STON2: variants seen among roughly 807,000 people sequenced by gnomAD.
STON2 encodes stonin 2.
In STON2, 29 loss-of-function variants were observed where a neutral mutation model predicts 65.7. That is an observed-to-expected ratio of 0.44 (90% CI 0.33 to 0.60). The LOEUF is 0.60. Ranked by LOEUF, STON2 falls within the 20% of genes least tolerant of loss-of-function variation. The probability of loss-of-function intolerance (pLI) is 0.03; values close to 1 mark genes in which losing one functional copy is unlikely to be tolerated. For synonymous variants in STON2, 404 were observed against 414.2 expected (o/e 0.98, Z 0.30); for missense variants, 1,054 against 1,118.1 (o/e 0.94, Z 0.82).
At chr14:81,429,382 G>A (rs1902132399) in intron 1 of STON2, among the ~76,000 whole-genome samples, 1 of 152,216 alleles carries the variant, frequency 6.6e-6, no homozygotes, top group Non-Finnish European at 1.5e-5. Flanking sequence ...CCAACTGCCT[G>A]CAAGTTTGAC....
At chr14:81,363,305 C>A (rs1488504491) in intron 4 of STON2, among the ~76,000 whole-genome samples, 3 of 152,132 alleles carry the variant, frequency 2.0e-5, no homozygotes, top group Admixed American at 2.0e-4. Context: ...CACATAGAAA[C>A]AATTTTAAAA....
intron 4 of STON2, among the ~76,000 whole-genome samples, chr14:81,329,391 C>T (rs958742175): frequency 6.7e-6 from 1 of 149,606 alleles, no homozygotes; most frequent in African/African-American, 2.5e-5. Flanking sequence ...GGAGGTGAAG[C>T]TTGCAGTGAG....
At chr14:81,429,427 G>A (rs528640897) in intron 1 of STON2, among the ~76,000 whole-genome samples, 1 of 152,326 alleles carries the variant, frequency 6.6e-6, no homozygotes, top group South Asian at 2.1e-4. Flanking sequence ...TATTTATATA[G>A]ACGTTTGACA....
At chr14:81,293,210 C>T (rs1387509872) in intron 5 of STON2, among the ~76,000 whole-genome samples, 3 of 150,416 alleles carry the variant, frequency 2.0e-5, no homozygotes, top group Admixed American at 1.3e-4. Context: ...AGTCTCGCTC[C>T]GTCATCAGGC....
chr14:81,357,944 C>T (rs1168234227), intron 4 of STON2, among the ~76,000 whole-genome samples: 3 of 149,076 alleles, frequency 2.0e-5, no homozygotes, highest in African/African-American at 4.9e-5. Flanking sequence ...TGCTAGATGA[C>T]GAGTTAGTGG....
intron 4 of STON2, among the ~76,000 whole-genome samples, chr14:81,334,653 C>T (rs1235836955): frequency 6.6e-6 from 1 of 152,148 alleles, no homozygotes; most frequent in African/African-American, 2.4e-5. Flanking sequence ...GGGTATGAAG[C>T]ACATTGGCTG....
intron 5 of STON2, among the ~76,000 whole-genome samples, chr14:81,311,603 C>A (rs1212494064): frequency 6.6e-6 from 1 of 152,152 alleles, no homozygotes; most frequent in Non-Finnish European, 1.5e-5. Context: ...AAATGAGGCA[C>A]AAGGGTTAAA....
chr14:81,330,816 C>T (rs1897184283), intron 4 of STON2, among the ~76,000 whole-genome samples: 1 of 152,202 alleles, frequency 6.6e-6, no homozygotes, highest in Admixed American at 6.5e-5. Flanking sequence ...GTCCTGCATG[C>T]CCAAGGATTA....
chr14:81,333,292 C>T (rs896571937), intron 4 of STON2: 34 of 676,712 alleles, frequency 5.0e-5, no homozygotes, highest in African/African-American at 5.0e-4. Context: ...ACGTCAATGA[C>T]CATTTGTTTC....
At chr14:81,318,189 C>A (rs1896697166) in intron 5 of STON2, among the ~76,000 whole-genome samples, 1 of 152,106 alleles carries the variant, frequency 6.6e-6, no homozygotes, top group African/African-American at 2.4e-5. Flanking sequence ...ATCTCGAACT[C>A]CTGACCTCAA....
intron 5 of STON2, among the ~76,000 whole-genome samples, chr14:81,320,416 G>A (rs1440277439): frequency 1.1e-4 from 2 of 18,808 alleles, no homozygotes; most frequent in African/African-American, 4.2e-4. Flanking sequence ...GATTTAAAGA[G>A]GAGAGTAATT....
upstream of STON2, among the ~76,000 whole-genome samples, chr14:81,401,796 T>C (rs1900624512): frequency 2.0e-5 from 3 of 152,176 alleles, no homozygotes; most frequent in African/African-American, 4.8e-5. Context: ...TGCAATTGTC[T>C]GATAAGATGG....
Position 81,398,295 on chromosome 14 carries a change from C to A in STON2, c.88G>T (p.Gly30Trp). Residue 30 changes from glycine to tryptophan, a missense_variant and splice_region_variant, in exon 2 of 8, where the codon GGG becomes TGG. Transcript: ENST00000614646. The part of the protein sequence containing the change: ...EEPPFPAHSQ[G>W]GTEEHLPGLS... ...TTTAGGAAACGAAGGCACTCCTTAC[C>A]CTGCGAGTGGGCAGGAAAGGGTGGC... The A allele has an allele frequency of 6.2e-7, 1 of 1,611,644 alleles. No individual in the cohort carries two copies. Among genetic ancestry groups the A allele is most frequent in the Non-Finnish European group, 8.5e-7 (1 of 1,178,326 alleles).
intron 5 of STON2, among the ~76,000 whole-genome samples, chr14:81,281,545 A>G (rs535370072): frequency 1.3e-5 from 2 of 152,330 alleles, no homozygotes; most frequent in Admixed American, 6.5e-5. Flanking sequence ...AGTTTAAAAC[A>G]AGCTGAAGTC....
chr14:81,316,364 TC>T (rs1041330447), intron 5 of STON2, among the ~76,000 whole-genome samples: 2 of 152,206 alleles, frequency 1.3e-5, no homozygotes, highest in African/African-American at 4.8e-5. Flanking sequence ...CAGCTTACTT[TC>T]TCTAACATTG....
In STON2 at chr14:81,395,955, C is replaced by T. The variant is rs1900292767; in HGVS notation, c.312G>A (p.Gln104=). Residue 104 remains glutamine (Q), a synonymous_variant, in exon 3 of 8, where the codon CAG becomes CAA. Transcript: ENST00000614646. The part of the protein sequence containing the change: ...DLASAISNWV[Q]FEDDTPWAST... ...TGGCCCAGGGTGTGTCATCTTCAAA[C>T]TGAACCCAGTTGCTGATGGCCGAGG... The T allele has an allele frequency of 3.1e-6, 5 of 1,614,168 alleles. No homozygotes were observed. Among genetic ancestry groups the T allele is most frequent in the Non-Finnish European group, 4.2e-6 (5 of 1,180,024 alleles).
chr14:81,412,250 A>T (rs1347748592), intron 2 of STON2, among the ~76,000 whole-genome samples: 1 of 140,134 alleles, frequency 7.1e-6, no homozygotes, highest in Admixed American at 7.1e-5. Flanking sequence ...AAGAGAATGG[A>T]AAGGGAAAGA....
In STON2 at chr14:81,277,221, T is replaced by A; in HGVS notation, c.2261A>T (p.Asn754Ile). 1 of 1,614,174 alleles carries A rather than the reference T, an allele frequency of 6.2e-7. No individual in the cohort carries two copies. The highest frequency in any genetic ancestry group is 1.3e-5 in the African/African-American group (1 of 75,042). Reference protein sequence around the residue: ...PFTLRTATSVNGAEVEVQSWL... With the variant: ...PFTLRTATSVIGAEVEVQSWL... ...GCTCTGCACCTCCACCTCTGCCCCATTGACACTTGTGGCCGTCCTGAGTGT... is the reference window on the plus strand; with the variant it reads ...GCTCTGCACCTCCACCTCTGCCCCAATGACACTTGTGGCCGTCCTGAGTGT... Residue 754 changes from asparagine (N) to isoleucine (I), a missense_variant, in exon 6 of 8, where the codon AAT becomes ATT. By Grantham distance (149) the Asn-to-Ile change is moderately radical. Transcript: ENST00000614646.
chr14:81,413,570 C>G (rs1901274380), intron 2 of STON2, among the ~76,000 whole-genome samples: 1 of 139,160 alleles, frequency 7.2e-6, no homozygotes, highest in Non-Finnish European at 1.5e-5. Flanking sequence ...CTGAGGCAGG[C>G]AGATCAAGTG....
Sources: gnomAD v4.1 joint callset for allele counts (sites outside exome capture counted in the v4.1 genomes callset) on GRCh38, gnomAD v4.1.1 for gene constraint, MANE v1.5 for transcripts, NCBI Gene and HGNC (gene_info 2026-07-23, HGNC 2026-07-21) for gene names.